The following DCAF10 variants were observed in gnomAD, a reference collection of about 807,000 sequenced individuals.
DCAF10 encodes the protein DDB1 and CUL4 associated factor 10.
A neutral mutation model predicts 51.9 loss-of-function variants in DCAF10; 19 were observed. That is an observed-to-expected ratio of 0.37 (90% CI 0.26 to 0.54). The LOEUF (loss-of-function observed/expected upper bound fraction) is 0.54, where lower values mean the gene tolerates loss of function less well. Ranked by LOEUF, DCAF10 falls within the 20% of genes least tolerant of loss-of-function variation. The pLI is 0.87. For missense variants in DCAF10, 510 were observed against 730.6 expected (o/e 0.70, Z 3.48); for synonymous variants, 291 against 297.1 (o/e 0.98, Z 0.21).
chr9:37,808,779 T>TAA (rs1589075890), intron 1 of DCAF10, among the ~76,000 whole-genome samples: 25 of 128,588 alleles, frequency 1.9e-4, no homozygotes, highest in Non-Finnish European at 2.8e-4. Flanking sequence ...ATAATATATA[T>TAA]TATATATTTT....
chr9:37,858,591 T>C (rs918176712), intron 5 of DCAF10: 4 of 152,076 alleles, frequency 2.6e-5, no homozygotes, highest in African/African-American at 9.6e-5. Context: ...AGAGATGATA[T>C]ATGAGGAGGC....
chr9:37,836,193 T>C, intron 2 of DCAF10: 2 of 1,473,332 alleles, frequency 1.4e-6, no homozygotes, highest in Non-Finnish European at 1.9e-6. Flanking sequence ...CGGAGTTCAG[T>C]ATGAAATGAG....
Position 37,801,554 on chromosome 9 carries a change from A to C in DCAF10, c.539+149A>C. On this transcript the variant is annotated intron_variant, in intron 1 of 6. Transcript: ENST00000377724. The surrounding 1 kb of genome is among the most constrained non-coding windows in gnomAD (Gnocchi z 5.5). ...CCTTCGTGCCTCCTGGCACTTTCTG[A>C]AGCGCATTCTCGCCCTTGGAATCCC... is the stretch of plus-strand genomic sequence containing the variant. The C allele has an allele frequency of 2.0e-6, 2 of 993,784 alleles. No homozygotes were observed. Among genetic ancestry groups the C allele is most frequent in the Non-Finnish European group, 2.7e-6 (2 of 746,512 alleles). 61.6% of individuals were successfully genotyped at this position (993,784 alleles called of 1,614,324 possible).
At chr9:37,849,986 G>A (rs750182223) in intron 3 of DCAF10, among the ~76,000 whole-genome samples, 18 of 152,294 alleles carry the variant, frequency 1.2e-4, no homozygotes, top group South Asian at 6.2e-4. Context: ...TTGAGCCCAG[G>A]AGTTCAAGGT....
chr9:37,800,961 C>T lies in DCAF10; in HGVS notation c.95C>T (p.Thr32Ile). The T allele has an allele frequency of 6.6e-7, 1 of 1,505,758 alleles. No homozygotes were observed. Among genetic ancestry groups the T allele is most frequent in the Non-Finnish European group, 8.8e-7 (1 of 1,135,116 alleles). The allele number at this position is 1,505,758 out of a possible 1,614,324, so 93.3% of individuals were successfully genotyped here. A position where few individuals can be genotyped will look rare whatever the true frequency, so the allele number is the denominator to read the frequency against. The change falls in exon 1 of 7, where the codon ACC (threonine) becomes ATC (isoleucine). Residue 32 changes from threonine (T) to isoleucine (I), a missense_variant. Transcript: ENST00000377724. Reference sequence around the variant, plus strand: ...CCCCACGAGGGGCAGGCAGCAGCCACCGGGCCGCCCTCGCCACTACATCCC... The same window carrying T: ...CCCCACGAGGGGCAGGCAGCAGCCATCGGGCCGCCCTCGCCACTACATCCC... ...PTPHEGQAAATGPPSPLHPGA... is the reference protein window; with the variant it reads ...PTPHEGQAAAIGPPSPLHPGA...
chr9:37,825,330 C>T (rs1193346383), intron 2 of DCAF10, among the ~76,000 whole-genome samples: 1 of 152,184 alleles, frequency 6.6e-6, no homozygotes, highest in Non-Finnish European at 1.5e-5. Context: ...CCTAAATGCC[C>T]ATTAATGGCA....
intron 3 of DCAF10, among the ~76,000 whole-genome samples, chr9:37,851,656 G>T (rs778433991): frequency 6.6e-6 from 1 of 151,388 alleles, no homozygotes; most frequent in Non-Finnish European, 1.5e-5. Context: ...TTAGCTGGGC[G>T]TGATGGCAGG....
In DCAF10 at chr9:37,844,868, T is replaced by C. The variant is rs192552640; in HGVS notation, c.851+2582T>C. Among the ~76,000 whole-genome samples, 4 of 151,998 alleles carry C rather than the reference T, an allele frequency of 2.6e-5. No individual in the cohort carries two copies. The East Asian group carries it at 7.7e-4, about 29-fold the overall frequency. On this transcript the variant is annotated intron_variant, in intron 3 of 6. Coordinates refer to ENST00000377724, the MANE Select transcript of DCAF10 (RefSeq NM_024345.5). ...CAAAAATGGATAAGGCTGTGGAAGATTTAAATATTATTAATAAGCTTGATG... is the reference window on the plus strand; with the variant it reads ...CAAAAATGGATAAGGCTGTGGAAGACTTAAATATTATTAATAAGCTTGATG...
intron 1 of DCAF10, among the ~76,000 whole-genome samples, chr9:37,816,905 C>A (rs1033097175): frequency 1.3e-5 from 2 of 152,130 alleles, no homozygotes; most frequent in African/African-American, 4.8e-5. Context: ...CAGAACCTGA[C>A]ATGGTATATA....
chr9:37,806,078 T>C (rs1163760159), intron 1 of DCAF10, among the ~76,000 whole-genome samples: 2 of 152,118 alleles, frequency 1.3e-5, no homozygotes, highest in Admixed American at 1.3e-4. Flanking sequence ...AGACCCTGTC[T>C]TGCAAAAAAT....
chr9:37,853,689 G>A (rs982888069), intron 3 of DCAF10, among the ~76,000 whole-genome samples: 24 of 151,930 alleles, frequency 1.6e-4, no homozygotes, highest in Non-Finnish European at 2.9e-4. Flanking sequence ...TCACTGCACC[G>A]TCCACATCCC....
intron 3 of DCAF10, among the ~76,000 whole-genome samples, chr9:37,854,218 GC>G: frequency 6.6e-6 from 1 of 151,894 alleles, no homozygotes; most frequent in South Asian, 2.1e-4. Context: ...TCCCACCTCA[GC>G]CTCCTGAGTA....
chr9:37,843,541 T>C (rs1168237296), intron 3 of DCAF10, among the ~76,000 whole-genome samples: 1 of 151,876 alleles, frequency 6.6e-6, no homozygotes, highest in Admixed American at 6.6e-5. Flanking sequence ...AAAAAACTAA[T>C]AAAACATGAT....
intron 1 of DCAF10, among the ~76,000 whole-genome samples, chr9:37,812,824 A>G (rs944726017): frequency 2.6e-5 from 4 of 152,014 alleles, no homozygotes; most frequent in African/African-American, 9.7e-5. Context: ...TGTAGAGACA[A>G]GGGTCTCAGT....
intron 3 of DCAF10, among the ~76,000 whole-genome samples, chr9:37,843,446 T>C (rs1202779918): frequency 1.3e-5 from 2 of 152,212 alleles, no homozygotes; most frequent in South Asian, 2.1e-4. Context: ...AAGACAAGCA[T>C]ACCTACTAAA....
chr9:37,836,157 A>T (rs552177381), intron 2 of DCAF10: 1 of 1,392,214 alleles, frequency 7.2e-7, no homozygotes, highest in Non-Finnish European at 1.0e-6. Flanking sequence ...TACTCTTCTC[A>T]TATCAGTGCA....
chr9:37,822,225 A>G (rs933674132), intron 2 of DCAF10, among the ~76,000 whole-genome samples: 8 of 152,140 alleles, frequency 5.3e-5, no homozygotes, highest in Non-Finnish European at 1.2e-4. Context: ...TTAAAGAACT[A>G]AAAGTAGAAC....
chr9:37,802,578 A>G (rs984853510), intron 1 of DCAF10, among the ~76,000 whole-genome samples: 2 of 152,230 alleles, frequency 1.3e-5, no homozygotes, highest in South Asian at 2.1e-4. Context: ...AAAAAATTTT[A>G]CTGAAGAAAG....
intron 5 of DCAF10, among the ~76,000 whole-genome samples, chr9:37,858,020 G>C (rs910559974): frequency 3.7e-4 from 56 of 151,976 alleles, no homozygotes; most frequent in African/African-American, 1.3e-3. Flanking sequence ...TGAGTATTAA[G>C]AGCCAGAGAT....
Sources: gnomAD v4.1 joint callset for allele counts (sites outside exome capture counted in the v4.1 genomes callset) on GRCh38, gnomAD v4.1.1 for gene constraint, Gnocchi (gnomAD v3.1) non-coding constraint, MANE v1.5 for transcripts, NCBI Gene and HGNC (gene_info 2026-07-23, HGNC 2026-07-21) for gene names.